SHLD1: variants seen among roughly 807,000 people sequenced by gnomAD.
SHLD1 encodes RINN1-REV7-interacting novel NHEJ regulator 3.
A neutral mutation model predicts 5.5 loss-of-function variants in SHLD1; 3 were observed. That is an observed-to-expected ratio of 0.54 (90% CI 0.25 to 1.40). The LOEUF is 1.40. SHLD1 is among the 40% of genes most tolerant of loss of function. SHLD1 has a pLI of 0.15. For missense variants in SHLD1, 210 were observed against 244.4 expected, an observed-to-expected ratio of 0.86 and a Z score of 0.94; for synonymous variants, 92 against 94.3, an observed-to-expected ratio of 0.98 and a Z score of 0.14.
At chr20:5,842,051 A>G (rs2087869059) in intron 2 of SHLD1, among the ~76,000 whole-genome samples, 1 of 152,272 alleles carries the variant, frequency 6.6e-6, no homozygotes. Flanking sequence ...ATGATTTTGC[A>G]TAACTGGCTT....
At chr20:5,840,558 CTTTTTT>C (rs1489219701) in intron 2 of SHLD1, among the ~76,000 whole-genome samples, 1 of 152,162 alleles carries the variant, frequency 6.6e-6, no homozygotes, top group Non-Finnish European at 1.5e-5. Context: ...TAACAGTCAG[CTTTTTT>C]ATTGGGAAGC....
At chr20:5,830,966 C>T (rs1165286477) in intron 2 of SHLD1, among the ~76,000 whole-genome samples, 3 of 151,926 alleles carry the variant, frequency 2.0e-5, no homozygotes, top group African/African-American at 7.3e-5. Context: ...CTACATTATG[C>T]ATTAGGCACT....
At position 5,863,377 on chromosome 20, in the gene SHLD1, T is replaced by C. The variant is rs2088189826; in HGVS notation, c.532T>C (p.Ser178Pro). ...HFYPLEEGST[S>P]LDDEKPNPGL... Reference sequence around the variant, plus strand: ...CTACCCACTGGAGGAAGGAAGTACATCTTTGGATGATGAAAAGCCAAACCC... The same window carrying C: ...CTACCCACTGGAGGAAGGAAGTACACCTTTGGATGATGAAAAGCCAAACCC... The change falls in exon 3 of 3, where the codon TCT becomes CCT. Residue 178 changes from serine (S) to proline (P), a missense_variant. Ser to Pro is a moderately conservative substitution (Grantham distance 74). Coordinates refer to ENST00000303142, the MANE Select transcript of SHLD1 (RefSeq NM_152504.4). 6.2e-7 allele frequency: 1 copy of C among 1,614,142 alleles called. No individual in the cohort carries two copies. Among genetic ancestry groups the C allele is most frequent in the African/African-American group, 1.3e-5 (1 of 75,046 alleles).
intron 2 of SHLD1, among the ~76,000 whole-genome samples, chr20:5,805,923 G>T (rs1203965535): frequency 6.6e-6 from 1 of 152,190 alleles, no homozygotes; most frequent in Non-Finnish European, 1.5e-5. Context: ...TAATATGGCA[G>T]GAGTGACGGC....
intron 2 of SHLD1, among the ~76,000 whole-genome samples, chr20:5,816,089 G>GAAAAAAAAAAAAAAAAAAAAAAAAA (rs141881349): frequency 1.2e-5 from 1 of 86,308 alleles, no homozygotes; most frequent in Non-Finnish European, 2.0e-5. Context: ...TCAAAAAAAC[G>GAAAAAAAAAAAAAAAAAAAAAAAAA]AAAAAAAAAA....
chr20:5,764,142 ATATATATATTTATATT>A (rs1984657466), intron 1 of SHLD1, among the ~76,000 whole-genome samples: 4 of 46,512 alleles, frequency 8.6e-5, no homozygotes, highest in South Asian at 5.8e-4. Flanking sequence ...AAAAAAAAAT[ATATATATATTTATATT>A]TATATATATA....
chr20:5,824,629 T>G (rs571980456), intron 2 of SHLD1, among the ~76,000 whole-genome samples: 4 of 151,378 alleles, frequency 2.6e-5, no homozygotes, highest in South Asian at 2.1e-4. Flanking sequence ...TTGTTTGTTT[T>G]TTTTTTTTTT....
intron 2 of SHLD1, among the ~76,000 whole-genome samples, chr20:5,780,587 C>T (rs569710522): frequency 2.6e-5 from 4 of 152,186 alleles, no homozygotes; most frequent in East Asian, 1.9e-4. Context: ...TAGCAAGGAC[C>T]GCTGCAAAAC....
intron 2 of SHLD1, among the ~76,000 whole-genome samples, chr20:5,828,900 T>A (rs1244470090): frequency 6.6e-6 from 1 of 152,180 alleles, no homozygotes; most frequent in East Asian, 1.9e-4. Context: ...TGAGATAGGA[T>A]CTCTCTTTGT....
intron 2 of SHLD1, among the ~76,000 whole-genome samples, chr20:5,811,409 C>T (rs918281717): frequency 6.6e-6 from 1 of 152,134 alleles, no homozygotes; most frequent in African/African-American, 2.4e-5. Flanking sequence ...AAAATAGACA[C>T]AAACCTCAGG....
chr20:5,805,542 G>A (rs1194682821), intron 2 of SHLD1, among the ~76,000 whole-genome samples: 1 of 152,142 alleles, frequency 6.6e-6, no homozygotes, highest in African/African-American at 2.4e-5. Context: ...ATTATTTGGG[G>A]CAGACAACAA....
rs566717345 is a variant in SHLD1, at chr20:5,810,623, A to G, written c.178+37580A>G. Among the ~76,000 whole-genome samples, 4 of 152,092 alleles carry G rather than the reference A, an allele frequency of 2.6e-5. 1 individual carries two copies. The highest frequency in any genetic ancestry group is 9.7e-5 in the African/African-American group (4 of 41,422). On this transcript the variant is annotated intron_variant, in intron 2 of 2. Transcript: ENST00000303142. Reference sequence around the variant, plus strand: ...GACGTATTTCTGTAGGCCTGGCATGATGGCTCACGCCTATAATCCCAGCAC... The same window carrying G: ...GACGTATTTCTGTAGGCCTGGCATGGTGGCTCACGCCTATAATCCCAGCAC...
At chr20:5,798,187 C>T (rs1331806997) in intron 2 of SHLD1, among the ~76,000 whole-genome samples, 1 of 152,200 alleles carries the variant, frequency 6.6e-6, no homozygotes, top group Non-Finnish European at 1.5e-5. Context: ...GCTGAAGTGG[C>T]CACCTGTGGT....
chr20:5,798,208 C>T (rs2087238539), intron 2 of SHLD1, among the ~76,000 whole-genome samples: 1 of 152,202 alleles, frequency 6.6e-6, no homozygotes, highest in South Asian at 2.1e-4. Context: ...CTCTCCATGC[C>T]CATGTGGCTC....
At chr20:5,844,243 T>C (rs767639453) in intron 2 of SHLD1, among the ~76,000 whole-genome samples, 5 of 152,220 alleles carry the variant, frequency 3.3e-5, no homozygotes, top group Non-Finnish European at 7.3e-5. Context: ...CTCTAGATCT[T>C]CTCTGCCTAT....
At chr20:5,840,277 G>C (rs2087841869) in intron 2 of SHLD1, among the ~76,000 whole-genome samples, 1 of 152,000 alleles carries the variant, frequency 6.6e-6, no homozygotes, top group Non-Finnish European at 1.5e-5. Flanking sequence ...TTGTGAATCT[G>C]TTGATTAGTC....
At chr20:5,779,093 C>T (rs1985571460) in intron 2 of SHLD1, among the ~76,000 whole-genome samples, 1 of 151,580 alleles carries the variant, frequency 6.6e-6, no homozygotes, top group African/African-American at 2.4e-5. Flanking sequence ...ATCCCAGCTA[C>T]TGGGAGGCTG....
rs141201162 is a variant in SHLD1, at chr20:5,806,736, G to A, written c.178+33693G>A. On this transcript the variant is annotated intron_variant, in intron 2 of 2. Coordinates refer to ENST00000303142, the MANE Select transcript of SHLD1 (RefSeq NM_152504.4). The surrounding 1 kb of genome is among the most constrained non-coding windows in gnomAD (Gnocchi z 7.6). ...GCTTTGTTAACCACCTTGGCTGCCC[G>A]TGATGCACTGATCAGTTAAGATACC... Among the ~76,000 whole-genome samples, 282 of 152,308 alleles carry A rather than the reference G, an allele frequency of 1.9e-3. No individual in the cohort carries two copies. The highest frequency in any genetic ancestry group is 6.0e-3 in the East Asian group (31 of 5,184).
At chr20:5,781,860 C>T (rs1267093795) in intron 2 of SHLD1, among the ~76,000 whole-genome samples, 1 of 152,172 alleles carries the variant, frequency 6.6e-6, no homozygotes, top group Non-Finnish European at 1.5e-5. Context: ...AATCTGCTGC[C>T]TGGAATATTT....
Sources: gnomAD v4.1 joint callset for allele counts (sites outside exome capture counted in the v4.1 genomes callset) on GRCh38, gnomAD v4.1.1 for gene constraint, Gnocchi (gnomAD v3.1) non-coding constraint, MANE v1.5 for transcripts, NCBI Gene and HGNC (gene_info 2026-07-23, HGNC 2026-07-21) for gene names.